Variants in TRIM6 observed in about 807,000 individuals in gnomAD.
The protein encoded by TRIM6 is tripartite motif-containing protein 6.
A neutral mutation model predicts 51.2 loss-of-function variants in TRIM6; 43 were observed. The observed-to-expected ratio is 0.84, with a 90% CI of 0.66 to 1.08. TRIM6 has a LOEUF of 1.08. Among genes scored for constraint, TRIM6 ranks in the 50% least tolerant of loss-of-function variants. The pLI, the probability that TRIM6 is intolerant of heterozygous loss-of-function variation, is 0.00. For missense variants in TRIM6, 669 were observed against 619.0 expected, an observed-to-expected ratio of 1.08 and a Z score of -0.86; for synonymous variants, 215 against 232.4, an observed-to-expected ratio of 0.93 and a Z score of 0.68.
chr11:5,610,176 G>A lies in TRIM6; in HGVS notation c.889G>A (p.Ala297Thr), dbSNP rs973284825. The change falls in exon 6 of 8, where the codon GCT becomes ACT. Residue 297 changes from alanine (A) to threonine (T), a missense_variant. Ala to Thr is a moderately conservative substitution (Grantham distance 58). Transcript: ENST00000380097. ...GTTCTGGACCCTGAGGAAGCCAGAA[G>A]CTCTCCCTACAAAGCTGAGAAGTAT... ...SEFWTLRKPE[A>T]LPTKLRSMFR... 1 of 1,614,106 alleles carries A rather than the reference G, an allele frequency of 6.2e-7. No homozygotes were observed. The highest frequency in any genetic ancestry group is 1.3e-5 in the African/African-American group (1 of 75,018).
chr11:5,611,395 T>C lies in TRIM6; in HGVS notation c.*53T>C, dbSNP rs1410452822. 15 of 1,331,312 alleles carry C rather than the reference T, an allele frequency of 1.1e-5. No homozygotes were observed. Among genetic ancestry groups the C allele is most frequent in the Admixed American group, 8.2e-5 (4 of 48,580 alleles). 82.5% of individuals were successfully genotyped at this position (1,331,312 alleles called of 1,614,324 possible). Reference sequence around the variant, plus strand: ...ATAAGTACCCTGAGGCTTATCAGCATGTGATTCTCCCTTCTGATCTTCTGT... The same window carrying C: ...ATAAGTACCCTGAGGCTTATCAGCACGTGATTCTCCCTTCTGATCTTCTGT... On this transcript the variant is annotated 3_prime_UTR_variant, in exon 8 of 8. Coordinates refer to ENST00000380097, the MANE Select transcript of TRIM6 (RefSeq NM_001003818.3).
intron 7 of TRIM6, 55 bp downstream of exon 7, chr11:5,610,616 G>A: frequency 6.3e-7 from 1 of 1,591,494 alleles, no homozygotes; most frequent in Non-Finnish European, 8.6e-7. Context: ...CCTTTCACAT[G>A]CCCTCCCCAG....
At chr11:5,605,742 A>T (rs1020609751) in intron 4 of TRIM6, among the ~76,000 whole-genome samples, 175 bp downstream of exon 4, 4 of 152,200 alleles carry the variant, frequency 2.6e-5, no homozygotes, top group African/African-American at 9.6e-5. Flanking sequence ...AGCGTAAGAT[A>T]ATTCAGAGTA....
Position 5,604,572 on chromosome 11 carries a change from G to C in TRIM6, c.546G>C (p.Glu182Asp). The change falls in exon 3 of 8, where the codon GAG becomes GAC. Residue 182 changes from glutamate to aspartate, a missense_variant. Glu to Asp is a conservative substitution (Grantham distance 45, BLOSUM62 2). Coordinates refer to ENST00000380097, the MANE Select transcript of TRIM6 (RefSeq NM_001003818.3). ...AGTCTCTAAAGAAGCTGAAGAACGAGGAGCAGGAAGCTGAGAAGCTAACAG... is the reference window on the plus strand; with the variant it reads ...AGTCTCTAAAGAAGCTGAAGAACGACGAGCAGGAAGCTGAGAAGCTAACAG... Reference protein sequence around the residue: ...FQESLKKLKNEEQEAEKLTAF... With the variant: ...FQESLKKLKNDEQEAEKLTAF... The C allele has an allele frequency of 6.2e-7, 1 of 1,613,170 alleles. No homozygotes were observed. Among genetic ancestry groups the C allele is most frequent in the Non-Finnish European group, 8.5e-7 (1 of 1,179,622 alleles).
chr11:5,605,402 CAG>C lies in TRIM6; in HGVS notation c.672_673del (p.Arg224SerfsTer24), dbSNP rs1367933178. ...TTAATCAGCTGCGAAATATCCTAGACAGAGTGGAGCAACGGGAGCTGAAAAAG... is the reference window on the plus strand; with the variant it reads ...TTAATCAGCTGCGAAATATCCTAGACAGTGGAGCAACGGGAGCTGAAAAAG... ...EFNQLRNILD[R>X]VEQRELKKLE... On this transcript the variant is annotated frameshift_variant, in exon 4 of 8. Coordinates refer to ENST00000380097, the MANE Select transcript of TRIM6 (RefSeq NM_001003818.3). LOFTEE classifies it high-confidence loss of function. The C allele has an allele frequency of 6.2e-7, 1 of 1,614,162 alleles. No individual in the cohort carries two copies. Among genetic ancestry groups the C allele is most frequent in the Non-Finnish European group, 8.5e-7 (1 of 1,180,036 alleles).
chr11:5,609,582 T>C (rs552791633), intron 5 of TRIM6, among the ~76,000 whole-genome samples: 2 of 152,314 alleles, frequency 1.3e-5, no homozygotes, highest in South Asian at 2.1e-4. Context: ...AGGAAAATTA[T>C]AGTATTTTCT....
At chr11:5,609,739 G>A (rs1428914063) in intron 5 of TRIM6, among the ~76,000 whole-genome samples, 3 of 152,132 alleles carry the variant, frequency 2.0e-5, no homozygotes, top group Admixed American at 6.5e-5. Context: ...TGGCTAACAT[G>A]ATGAAACCCT....
At chr11:5,600,105 G>A (rs1367989654) in intron 1 of TRIM6, among the ~76,000 whole-genome samples, 1 of 152,182 alleles carries the variant, frequency 6.6e-6, no homozygotes, top group African/African-American at 2.4e-5. Context: ...CCAGTTAGAT[G>A]CACAGAGTTC....
Position 5,604,557 on chromosome 11 carries a change from G to T in TRIM6, c.531G>T (p.Lys177Asn). 6.2e-7 allele frequency: 1 copy of T among 1,612,992 alleles called. No homozygotes were observed. The highest frequency in any genetic ancestry group is 2.2e-5 in the East Asian group (1 of 44,834). ...EYQEKFQESL[K>N]KLKNEEQEAE... ...AGGAGAAGTTTCAGGAGTCTCTAAA[G>T]AAGCTGAAGAACGAGGAGCAGGAAG... The change falls in exon 3 of 8, where the codon AAG becomes AAT. Residue 177 changes from lysine (K) to asparagine (N), a missense_variant. Physicochemically the swap from Lys to Asn is moderately conservative, Grantham distance 94 (BLOSUM62 0). Coordinates refer to ENST00000380097, the MANE Select transcript of TRIM6 (RefSeq NM_001003818.3).
chr11:5,602,309 G>A lies in TRIM6; in HGVS notation c.18-937G>A, dbSNP rs553766906. Among the ~76,000 whole-genome samples, 7 of 152,248 alleles carry A rather than the reference G, an allele frequency of 4.6e-5. 1 individual carries two copies. The East Asian group carries it at 1.4e-3, about 30-fold the overall frequency. ...ACAAAAAAAATTAGCCGGACATAGTGGCAGGCACCTGTAATCCCAGCTACT... is the reference window on the plus strand; with the variant it reads ...ACAAAAAAAATTAGCCGGACATAGTAGCAGGCACCTGTAATCCCAGCTACT... On this transcript the variant is annotated intron_variant, in intron 1 of 7. Transcript: ENST00000380097.
chr11:5,596,530 C>CT (rs1847465340), upstream of TRIM6: 1 of 20,240 alleles, frequency 4.9e-5, no homozygotes, highest in Non-Finnish European at 1.5e-4. Context: ...TTCCCCCCTT[C>CT]CCCCTTCCCC....
intron 1 of TRIM6, among the ~76,000 whole-genome samples, chr11:5,597,953 C>T (rs759637473): frequency 6.6e-6 from 1 of 152,092 alleles, no homozygotes; most frequent in African/African-American, 2.4e-5. Context: ...TGAATCATTC[C>T]AGGAAAGACT....
intron 4 of TRIM6, among the ~76,000 whole-genome samples, chr11:5,607,167 G>C (rs1285884014): frequency 6.6e-6 from 1 of 152,028 alleles, no homozygotes; most frequent in South Asian, 2.1e-4. Context: ...TCGCACCACT[G>C]CACTCCAGCC....
At chr11:5,607,388 C>T (rs1848289842) in intron 4 of TRIM6, among the ~76,000 whole-genome samples, 1 of 152,142 alleles carries the variant, frequency 6.6e-6, no homozygotes, top group Non-Finnish European at 1.5e-5. Context: ...AGCACCTCTA[C>T]CACATTCTAT....
chr11:5,597,804 T>A (rs997297704), intron 1 of TRIM6, among the ~76,000 whole-genome samples: 8 of 152,124 alleles, frequency 5.3e-5, no homozygotes, highest in Non-Finnish European at 1.0e-4. Context: ...CCATTCTCTG[T>A]CCCCCTCCCT....
chr11:5,602,443 G>A (rs373168223), intron 1 of TRIM6, among the ~76,000 whole-genome samples: 3 of 151,258 alleles, frequency 2.0e-5, no homozygotes, highest in East Asian at 3.9e-4. Flanking sequence ...ACCCCCTAAT[G>A]AGGTGAATAT....
chr11:5,600,691 G>A lies in TRIM6; in HGVS notation c.18-2555G>A, dbSNP rs1328127066. Among the ~76,000 whole-genome samples, 9 of 87,678 alleles carry A rather than the reference G, an allele frequency of 1.0e-4. No homozygotes were observed. The East Asian group carries it at 2.8e-3, about 28-fold the overall frequency. The allele number at this position is 87,678 out of a possible 152,430, so 57.5% of individuals were successfully genotyped here. ...CAGGGCCTTGTGTTGAGGCCCACACGGACTGTTTTTTACATCAGTGTACAT... is the reference window on the plus strand; with the variant it reads ...CAGGGCCTTGTGTTGAGGCCCACACAGACTGTTTTTTACATCAGTGTACAT... On this transcript the variant is annotated intron_variant, in intron 1 of 7. Coordinates refer to ENST00000380097, the MANE Select transcript of TRIM6 (RefSeq NM_001003818.3).
chr11:5,604,503 A>G (rs183048538), intron 2 of TRIM6, 31 bp from the exon 3 acceptor site: 40 of 1,597,468 alleles, frequency 2.5e-5, no homozygotes, highest in East Asian at 2.0e-4. Context: ...TGAAGGCTTG[A>G]TCCTGCTTGA....
chr11:5,597,253 T>TA (rs1372281881), intron 1 of TRIM6, among the ~76,000 whole-genome samples: 3 of 152,160 alleles, frequency 2.0e-5, no homozygotes, highest in Admixed American at 1.3e-4. Context: ...ATGTATATCT[T>TA]AGAGTTTTGG....
Sources: allele counts gnomAD v4.1 joint callset (sites outside exome capture counted in the v4.1 genomes callset), GRCh38; gene constraint gnomAD v4.1.1; transcripts MANE v1.5; gene names NCBI Gene and HGNC (gene_info 2026-07-23, HGNC 2026-07-21).